Variants in RASAL1 observed in about 807,000 individuals in gnomAD.
The protein encoded by RASAL1 is rasGAP-activating-like protein 1.
In RASAL1, 72 loss-of-function variants were observed where a neutral mutation model predicts 96.6. The ratio of observed to expected loss-of-function variants is 0.75; its 90% confidence interval spans 0.62 to 0.91. The LOEUF (loss-of-function observed/expected upper bound fraction) is 0.91, where lower values mean the gene tolerates loss of function less well. RASAL1 is among the 40% of genes least tolerant of loss of function. RASAL1 has a pLI of 0.00. For missense variants in RASAL1, 1,016 were observed against 1,072.5 expected, an observed-to-expected ratio of 0.95 and a Z score of 0.74; for synonymous variants, 405 against 430.4, an observed-to-expected ratio of 0.94 and a Z score of 0.73.
intron 4 of RASAL1, among the ~76,000 whole-genome samples, chr12:113,125,860 G>T (rs778367736): frequency 6.6e-6 from 1 of 152,218 alleles, no homozygotes; most frequent in Non-Finnish European, 1.5e-5. Flanking sequence ...GATGCCATCA[G>T]TAGGGAACTA....
intron 4 of RASAL1, among the ~76,000 whole-genome samples, chr12:113,126,769 C>T (rs114358122): frequency 0.011 from 1,602 of 151,476 alleles, 27 homozygotes; most frequent in African/African-American, 0.037. Flanking sequence ...TGGTTCAAAT[C>T]CTGGCTGCCT....
chr12:113,105,676 A>AC, intron 16 of RASAL1, 38 bp downstream of exon 16: 1 of 1,536,900 alleles, frequency 6.5e-7, no homozygotes, highest in African/African-American at 1.4e-5. Context: ...GAAAAAGGCC[A>AC]CCCCTGGAAA....
chr12:113,132,533 C>T (rs1052876853), intron 1 of RASAL1, among the ~76,000 whole-genome samples: 4 of 152,192 alleles, frequency 2.6e-5, no homozygotes, highest in African/African-American at 4.8e-5. Flanking sequence ...GCCCCCTCTA[C>T]CTATTCAAAT....
chr12:113,129,102 T>C lies in RASAL1; in HGVS notation c.123-924A>G, dbSNP rs1400522657. On this transcript the variant is annotated intron_variant, in intron 2 of 20. Coordinates refer to ENST00000548055, the MANE Select transcript of RASAL1 (RefSeq NM_001301202.2). This position sits in a 1 kb window ranked among gnomAD's most constrained non-coding sequence, Gnocchi z 5.0. ...GCTCCAGGGATCAGAGGAACAGGTG[T>C]CAGGGCTGCTTACCCCACAGACCCC... Among the ~76,000 whole-genome samples, 1 of 152,078 alleles carries C rather than the reference T, an allele frequency of 6.6e-6. No homozygotes were observed. The highest frequency in any genetic ancestry group is 2.4e-5 in the African/African-American group (1 of 41,416).
At chr12:113,136,545 A>T (rs1186385539), upstream of RASAL1, among the ~76,000 whole-genome samples, 7 of 152,202 alleles carry the variant, frequency 4.6e-5, no homozygotes, top group Non-Finnish European at 8.8e-5. Flanking sequence ...TCAGTAACTG[A>T]TTTGCCTTCC....
At chr12:113,131,965 CTTCTT>C (rs1421798156) in intron 1 of RASAL1, among the ~76,000 whole-genome samples, 62 of 142,596 alleles carry the variant, frequency 4.3e-4, no homozygotes, top group African/African-American at 7.4e-4. Context: ...TCTTCTTCTT[CTTCTT>C]TTTTTTTTTT....
In RASAL1 at chr12:113,115,521, C is replaced by T; in HGVS notation, c.1003+114G>A. The T allele has an allele frequency of 7.2e-7, 1 of 1,380,234 alleles. No individual in the cohort carries two copies. 85.5% of individuals were successfully genotyped at this position (1,380,234 alleles called of 1,614,324 possible). On this transcript the variant is annotated intron_variant, in intron 10 of 20. Coordinates refer to ENST00000548055, the MANE Select transcript of RASAL1 (RefSeq NM_001301202.2). This position sits in a 1 kb window ranked among gnomAD's most constrained non-coding sequence, Gnocchi z 4.1. ...TGGAGGTGCACAGCACAGGGACCCA[C>T]AGAAAAAGGAGCCCTTTTTCCCTCT...
intron 4 of RASAL1, among the ~76,000 whole-genome samples, chr12:113,125,561 T>C (rs984059648): frequency 6.6e-6 from 1 of 152,210 alleles, no homozygotes; most frequent in African/African-American, 2.4e-5. Flanking sequence ...ACCTATCAGA[T>C]ACACGATCAA....
chr12:113,113,448 C>A (rs1202088892), intron 12 of RASAL1, among the ~76,000 whole-genome samples: 1 of 152,190 alleles, frequency 6.6e-6, no homozygotes, highest in African/African-American at 2.4e-5. Flanking sequence ...ATGCCCCTGT[C>A]CCCATGGGTG....
chr12:113,105,709 C>G lies in RASAL1; in HGVS notation c.1830+5G>C. 1 of 1,599,286 alleles carries G rather than the reference C, an allele frequency of 6.3e-7. No homozygotes were observed. Among genetic ancestry groups the G allele is most frequent in the Non-Finnish European group, 8.5e-7 (1 of 1,170,626 alleles). Reference sequence around the variant, plus strand: ...AAAGCCCTCCATAGTGGACTGGAACCCCACCTGCCACTCAGGACTCTTGGA... The same window carrying G: ...AAAGCCCTCCATAGTGGACTGGAACGCCACCTGCCACTCAGGACTCTTGGA... On this transcript the variant is annotated splice_donor_5th_base_variant and intron_variant, in intron 16 of 20. Coordinates refer to ENST00000548055, the MANE Select transcript of RASAL1 (RefSeq NM_001301202.2).
intron 12 of RASAL1, 95 bp downstream of exon 12, chr12:113,114,705 G>T (rs1181745461): frequency 6.9e-6 from 7 of 1,009,296 alleles, no homozygotes; most frequent in Non-Finnish European, 7.8e-6. Flanking sequence ...GTAGCCCCAG[G>T]GTGGGTGGCA....
chr12:113,100,394 G>T (rs1950398771), intron 20 of RASAL1, among the ~76,000 whole-genome samples: 1 of 152,148 alleles, frequency 6.6e-6, no homozygotes, highest in African/African-American at 2.4e-5. Flanking sequence ...CACCTCCTGG[G>T]CTCAAGCAAT....
Position 113,108,192 on chromosome 12 carries a change from G to T in RASAL1, c.1405C>A (p.Leu469Ile), listed in dbSNP as rs1592899305. Reference protein sequence around the residue: ...DVKYLAISGFLFLRFFAPAIL... With the variant: ...DVKYLAISGFIFLRFFAPAIL... ...GCAGGTGCGAAGAATCGCAAGAAGA[G>T]AAATCCACTGATGGCCAGGTACTTC... Residue 469 changes from leucine to isoleucine, a missense_variant, in exon 14 of 21, where the codon CTC (leucine) becomes ATC (isoleucine). Transcript: ENST00000548055. 6.2e-7 allele frequency: 1 copy of T among 1,613,182 alleles called. No homozygotes were observed. Among genetic ancestry groups the T allele is most frequent in the Non-Finnish European group, 8.5e-7 (1 of 1,179,666 alleles).
In RASAL1 at chr12:113,135,260, C is replaced by A. The variant is rs984222835; in HGVS notation, c.65+138G>T. 21 of 773,930 alleles carry A rather than the reference C, an allele frequency of 2.7e-5. No homozygotes were observed. Among genetic ancestry groups the A allele is most frequent in the Non-Finnish European group, 4.1e-5 (20 of 492,240 alleles). 47.9% of individuals were successfully genotyped at this position (773,930 alleles called of 1,614,324 possible). The stretch of plus-strand genomic sequence containing the variant: ...CATGCGGCCTCTCGCCCCTTTAAAG[C>A]GGAACTGCCCCAAGACCAGTCTTGG... On this transcript the variant is annotated intron_variant, in intron 1 of 20. Transcript: ENST00000548055. The surrounding 1 kb of genome is among the most constrained non-coding windows in gnomAD (Gnocchi z 5.7).
chr12:113,111,002 T>C (rs956993568), intron 13 of RASAL1, among the ~76,000 whole-genome samples: 11 of 152,230 alleles, frequency 7.2e-5, no homozygotes, highest in Non-Finnish European at 1.5e-4. Context: ...TCCATTCCTA[T>C]ATGGCAGTGA....
intron 13 of RASAL1, among the ~76,000 whole-genome samples, chr12:113,109,367 C>T (rs945644538): frequency 1.6e-4 from 25 of 152,182 alleles, no homozygotes; most frequent in African/African-American, 5.5e-4. Flanking sequence ...CAGTAGTGAA[C>T]CCAGTCTGAT....
rs773166556 is a variant in RASAL1, at chr12:113,115,218, C to T, written c.1050G>A (p.Ser350=). ...TACTCACCTTCATAAACTGTTCCAT[C>T]GACTTGGATGCCAGGGAGTTAGAAC... ...LFRSNSLASK[S]MEQFMKLVGM... is the part of the protein sequence containing the mutation. The change falls in exon 11 of 21, where the codon TCG becomes TCA. Residue 350 remains serine, a synonymous_variant. Coordinates refer to ENST00000548055, the MANE Select transcript of RASAL1 (RefSeq NM_001301202.2). The surrounding 1 kb of genome is among the most constrained non-coding windows in gnomAD (Gnocchi z 4.1). The T allele has an allele frequency of 6.8e-6, 11 of 1,613,734 alleles. No individual in the cohort carries two copies. Among genetic ancestry groups the T allele is most frequent in the African/African-American group, 6.7e-5 (5 of 74,914 alleles).
intron 4 of RASAL1, among the ~76,000 whole-genome samples, chr12:113,123,773 G>A (rs1951382244): frequency 1.3e-5 from 2 of 152,044 alleles, no homozygotes; most frequent in Non-Finnish European, 2.9e-5. Context: ...CAGTAGAGTG[G>A]GTTTTCACCA....
intron 18 of RASAL1, chr12:113,103,695 G>T: frequency 1.7e-6 from 1 of 576,620 alleles, no homozygotes; most frequent in Non-Finnish European, 3.1e-6. Flanking sequence ...GGCACCTAGT[G>T]AGTACTTTAG....
Sources: allele counts gnomAD v4.1 joint callset (sites outside exome capture counted in the v4.1 genomes callset), GRCh38; gene constraint gnomAD v4.1.1; non-coding constraint Gnocchi (gnomAD v3.1); transcripts MANE v1.5; gene names NCBI Gene and HGNC (gene_info 2026-07-23, HGNC 2026-07-21).